The following PIK3AP1 variants were observed in gnomAD, a reference collection of about 807,000 sequenced individuals.
The protein encoded by PIK3AP1 is phosphoinositide 3-kinase adapter protein 1.
Under a neutral mutation model 88.1 loss-of-function variants are expected in PIK3AP1, and 21 were observed. The observed-to-expected ratio is 0.24, with a 90% CI of 0.17 to 0.34. PIK3AP1 has a LOEUF of 0.34. PIK3AP1 is among the 10% of genes least tolerant of loss of function. PIK3AP1 has a pLI of 1.00. For synonymous variants in PIK3AP1, 398 were observed against 400.0 expected, an observed-to-expected ratio of 1.00 and a Z score of 0.06; for missense variants, 828 against 1,035.7, an observed-to-expected ratio of 0.80 and a Z score of 2.75.
intron 8 of PIK3AP1, among the ~76,000 whole-genome samples, chr10:96,630,414 C>G (rs1340085467): frequency 6.6e-6 from 1 of 152,194 alleles, no homozygotes; most frequent in African/African-American, 2.4e-5. Context: ...TTATTTTAAA[C>G]ATATTCTGAT....
intron 2 of PIK3AP1, among the ~76,000 whole-genome samples, chr10:96,709,131 C>CAAAAAA (rs113424134): frequency 2.5e-5 from 2 of 79,632 alleles, no homozygotes; most frequent in Non-Finnish European, 4.8e-5. Context: ...GACTCCGACT[C>CAAAAAA]AAAAAAAAAA....
At position 96,603,973 on chromosome 10, in the gene PIK3AP1, T is replaced by C. The variant is rs1177976567; in HGVS notation, c.2241+6A>G. 4 of 1,597,512 alleles carry C rather than the reference T, an allele frequency of 2.5e-6. No homozygotes were observed. Among genetic ancestry groups the C allele is most frequent in the Non-Finnish European group, 3.4e-6 (4 of 1,169,870 alleles). ...AGGATAGGTGGGGTGGAGTCCCAGC[T>C]CTCACCTCGTTGTCCCCTTCCATCC... On this transcript the variant is annotated splice_donor_region_variant and intron_variant, in intron 15 of 16. Transcript: ENST00000339364.
chr10:96,696,413 C>G (rs1589543419), intron 2 of PIK3AP1, among the ~76,000 whole-genome samples: 1 of 152,052 alleles, frequency 6.6e-6, no homozygotes, highest in East Asian at 1.9e-4. Context: ...TATGACAAGC[C>G]CTATTGTGGT....
At chr10:96,669,361 T>C (rs1050853996) in intron 2 of PIK3AP1, among the ~76,000 whole-genome samples, 2 of 152,184 alleles carry the variant, frequency 1.3e-5, no homozygotes, top group Non-Finnish European at 2.9e-5. Flanking sequence ...CCTAGTCACA[T>C]AGCAAGTGTC....
intron 2 of PIK3AP1, among the ~76,000 whole-genome samples, chr10:96,671,844 C>T (rs1223411081): frequency 2.0e-5 from 3 of 151,994 alleles, no homozygotes; most frequent in Non-Finnish European, 4.4e-5. Flanking sequence ...AGTTCGAGAC[C>T]AGCCTGGGCA....
At chr10:96,685,250 A>T (rs773521997) in intron 2 of PIK3AP1, among the ~76,000 whole-genome samples, 3 of 152,218 alleles carry the variant, frequency 2.0e-5, no homozygotes, top group Non-Finnish European at 4.4e-5. Context: ...TGGTCATTCC[A>T]GTGGTCATCA....
In PIK3AP1 at chr10:96,709,909, G is replaced by C; in HGVS notation, c.88C>G (p.Leu30Val). The C allele has an allele frequency of 6.2e-7, 1 of 1,612,272 alleles. No individual in the cohort carries two copies. The highest frequency in any genetic ancestry group is 8.5e-7 in the Non-Finnish European group (1 of 1,178,980). ...AEEWCQYLQT[L>V]FLSSRQVRSQ... ...CGGACCTGCCGACTGGACAGGAACA[G>C]GGTCTGCAGGTACTGGCACCATTCC... Residue 30 changes from leucine to valine, a missense_variant, in exon 2 of 17, where the codon CTG becomes GTG. Leu to Val is a conservative substitution (Grantham distance 32, BLOSUM62 1). Coordinates refer to ENST00000339364, the MANE Select transcript of PIK3AP1 (RefSeq NM_152309.3).
At chr10:96,617,756 A>C (rs1045965453) in intron 12 of PIK3AP1, among the ~76,000 whole-genome samples, 2 of 151,800 alleles carry the variant, frequency 1.3e-5, no homozygotes, top group African/African-American at 4.8e-5. Context: ...GGCCAAAGAG[A>C]CTCTGAGGTC....
chr10:96,679,025 G>A (rs938957705), intron 2 of PIK3AP1, among the ~76,000 whole-genome samples: 6 of 152,178 alleles, frequency 3.9e-5, no homozygotes, highest in African/African-American at 1.4e-4. Flanking sequence ...TGATGCAAAT[G>A]CTCTGGGGAA....
chr10:96,661,370 T>C (rs986147484), intron 2 of PIK3AP1, among the ~76,000 whole-genome samples: 1 of 152,110 alleles, frequency 6.6e-6, no homozygotes, highest in Non-Finnish European at 1.5e-5. Context: ...GGTGGGTGCA[T>C]GTTATTAGAC....
intron 2 of PIK3AP1, among the ~76,000 whole-genome samples, chr10:96,700,382 C>T (rs1005300748): frequency 6.6e-5 from 10 of 152,186 alleles, no homozygotes; most frequent in African/African-American, 2.2e-4. Context: ...GTTAACTATT[C>T]CAGGAGCAGC....
At chr10:96,601,642 C>G (rs183648706) in intron 16 of PIK3AP1, among the ~76,000 whole-genome samples, 2 of 152,242 alleles carry the variant, frequency 1.3e-5, no homozygotes, top group Non-Finnish European at 1.5e-5. Flanking sequence ...CCAATTCCTT[C>G]ATATTTTCTG....
chr10:96,607,166 G>A (rs1468314527), intron 14 of PIK3AP1, among the ~76,000 whole-genome samples: 2 of 152,132 alleles, frequency 1.3e-5, no homozygotes, highest in Non-Finnish European at 2.9e-5. Context: ...TTAAGGGGCA[G>A]TTGGTGGATA....
rs1242502762 is a variant in PIK3AP1, at chr10:96,623,484, T to C, written c.1723A>G (p.Ser575Gly). 1.1e-5 allele frequency: 18 copies of C among 1,611,472 alleles called. No individual in the cohort carries two copies. Among genetic ancestry groups the C allele is most frequent in the Non-Finnish European group, 1.5e-5 (18 of 1,177,974 alleles). Residue 575 changes from serine to glycine, a missense_variant, in exon 11 of 17, where the codon AGC (serine) becomes GGC (glycine). Coordinates refer to ENST00000339364, the MANE Select transcript of PIK3AP1 (RefSeq NM_152309.3). ...ACACATGGCTTACCTTTCCTGATGC[T>C]CTCTGAGGAAACGTAGAAATTCCCA... The part of the protein sequence containing the change: ...RPGNFYVSSE[S>G]IRKGPPVRPW...
chr10:96,697,033 G>C (rs1288123893), intron 2 of PIK3AP1, among the ~76,000 whole-genome samples: 2 of 152,182 alleles, frequency 1.3e-5, no homozygotes, highest in Admixed American at 6.5e-5. Context: ...TAGATACAGA[G>C]TGGCCAAGTG....
At chr10:96,607,512 C>T (rs557958343) in intron 14 of PIK3AP1, among the ~76,000 whole-genome samples, 16 of 152,112 alleles carry the variant, frequency 1.1e-4, no homozygotes, top group African/African-American at 3.1e-4. Flanking sequence ...TAGTCAACCT[C>T]CCGCCCAGGA....
intron 2 of PIK3AP1, among the ~76,000 whole-genome samples, chr10:96,675,370 C>T (rs907542247): frequency 6.6e-5 from 10 of 152,166 alleles, no homozygotes; most frequent in Non-Finnish European, 1.3e-4. Context: ...AGTCTTCAAA[C>T]AGAAGTTGGC....
At chr10:96,657,094 C>G (rs529206995) in intron 2 of PIK3AP1, among the ~76,000 whole-genome samples, 160 bp from the exon 3 acceptor site, 1 of 152,098 alleles carries the variant, frequency 6.6e-6, no homozygotes, top group South Asian at 2.1e-4. Flanking sequence ...TGAAAGGCGA[C>G]CTAATGAAGA....
At chr10:96,637,427 A>G (rs1843327706) in intron 8 of PIK3AP1, among the ~76,000 whole-genome samples, 1 of 151,908 alleles carries the variant, frequency 6.6e-6, no homozygotes, top group Non-Finnish European at 1.5e-5. Flanking sequence ...GCAGTGGTGC[A>G]ATCACGGCCC....
Sources: allele counts gnomAD v4.1 joint callset (sites outside exome capture counted in the v4.1 genomes callset), GRCh38; gene constraint gnomAD v4.1.1; transcripts MANE v1.5; gene names NCBI Gene and HGNC (gene_info 2026-07-23, HGNC 2026-07-21).